The following ZCCHC8 variants were observed in gnomAD, a reference collection of about 807,000 sequenced individuals.
ZCCHC8 encodes zinc finger CCHC-type containing 8, also known as zinc finger CCHC domain-containing protein 8.
A neutral mutation model predicts 70.6 loss-of-function variants in ZCCHC8; 27 were observed. The observed-to-expected ratio is 0.38, with a 90% CI of 0.28 to 0.53. ZCCHC8 has a LOEUF of 0.53. Among genes scored for constraint, ZCCHC8 ranks in the 20% least tolerant of loss-of-function variants. The pLI is 0.81. For synonymous variants in ZCCHC8, 293 were observed against 317.4 expected (o/e 0.92, Z 0.82); for missense variants, 737 against 876.9 (o/e 0.84, Z 2.01).
chr12:122,489,317 C>T (rs891768912), intron 5 of ZCCHC8, 69 bp downstream of exon 5: 31 of 1,439,828 alleles, frequency 2.2e-5, no homozygotes, highest in African/African-American at 4.2e-5. Flanking sequence ...ATCTTTTAAA[C>T]GCCACCCAGT....
chr12:122,483,507 C>T lies in ZCCHC8; in HGVS notation c.558G>A (p.Pro186=), dbSNP rs750892860. The T allele has an allele frequency of 3.1e-6, 5 of 1,596,038 alleles. No homozygotes were observed. The highest frequency in any genetic ancestry group is 1.3e-5 in the African/African-American group (1 of 74,714). ...TNFCLDKLGQ[P]LLNENPQLSE... Reference sequence around the variant, plus strand: ...AAAGCTGAGGGTTTTCATTTAGAAGCGGTTGCCCCAATTTATCAAGGCAAA... The same window carrying T: ...AAAGCTGAGGGTTTTCATTTAGAAGTGGTTGCCCCAATTTATCAAGGCAAA... The change falls in exon 6 of 14, where the codon CCG becomes CCA. Residue 186 remains proline, a synonymous_variant. Coordinates refer to ENST00000633063, the MANE Select transcript of ZCCHC8 (RefSeq NM_017612.5). This position sits in a 1 kb window ranked among gnomAD's most constrained non-coding sequence, Gnocchi z 4.4.
chr12:122,474,359 T>C (rs1566283450), intron 13 of ZCCHC8, 84 bp from the exon 14 acceptor site: 3 of 1,252,540 alleles, frequency 2.4e-6, no homozygotes, highest in Non-Finnish European at 2.1e-6. Context: ...CTCAGGTGTA[T>C]CCAGTAATTC....
rs1323796317 is a variant in ZCCHC8, at chr12:122,477,784, C to A, written c.1345+57G>T. On this transcript the variant is annotated intron_variant, in intron 13 of 13. Coordinates refer to ENST00000633063, the MANE Select transcript of ZCCHC8 (RefSeq NM_017612.5). ...CAGCCTGGGTGACAAGAGTGAGACT[C>A]CATCTCAAAAAAAAAAAAAAAAAAG... is the stretch of plus-strand genomic sequence containing the variant. The A allele has an allele frequency of 3.2e-6, 4 of 1,260,044 alleles. No individual in the cohort carries two copies. In the African/African-American group the frequency reaches 4.5e-5, roughly 14 times the overall value. 78.1% of individuals were successfully genotyped at this position (1,260,044 alleles called of 1,614,324 possible).
In ZCCHC8 at chr12:122,483,071, C is replaced by A; in HGVS notation, c.671+208G>T. Reference sequence around the variant, plus strand: ...CAACAATTATACCTTTCCACCCACCCAGGCACATTAGGTGAGAACCAATGA... The same window carrying A: ...CAACAATTATACCTTTCCACCCACCAAGGCACATTAGGTGAGAACCAATGA... On this transcript the variant is annotated intron_variant, in intron 7 of 13. Transcript: ENST00000633063. This position sits in a 1 kb window ranked among gnomAD's most constrained non-coding sequence, Gnocchi z 4.4. 1 of 578,022 alleles carries A rather than the reference C, an allele frequency of 1.7e-6. No homozygotes were observed. The highest frequency in any genetic ancestry group is 3.0e-6 in the Non-Finnish European group (1 of 333,468). 35.8% of individuals were successfully genotyped at this position (578,022 alleles called of 1,614,324 possible).
Position 122,473,444 on chromosome 12 carries a change from T to C in ZCCHC8, c.*53A>G. ...CCATTCTATCTATCCACTTAATTAG[T>C]ACTAATTAACGGAACAAAGTTATTA... On this transcript the variant is annotated 3_prime_UTR_variant, in exon 14 of 14. Transcript: ENST00000633063. 1 of 1,550,860 alleles carries C rather than the reference T, an allele frequency of 6.4e-7. No homozygotes were observed.
intron 5 of ZCCHC8, among the ~76,000 whole-genome samples, chr12:122,488,569 C>T (rs1957684398): frequency 6.6e-6 from 1 of 151,288 alleles, no homozygotes; most frequent in African/African-American, 2.4e-5. Flanking sequence ...TATTACATTA[C>T]CTTTTAAAAT....
chr12:122,486,377 C>A (rs987579207), intron 5 of ZCCHC8, among the ~76,000 whole-genome samples: 3 of 129,602 alleles, frequency 2.3e-5, no homozygotes, highest in African/African-American at 8.9e-5. Flanking sequence ...TGTGCCATGG[C>A]ACTCTAGCCT....
intron 2 of ZCCHC8, among the ~76,000 whole-genome samples, chr12:122,493,293 T>A (rs1446741561): frequency 6.6e-6 from 1 of 152,252 alleles, no homozygotes; most frequent in Non-Finnish European, 1.5e-5. Flanking sequence ...ACTTTTTTTT[T>A]AATGTTTAAC....
At chr12:122,481,422 T>G in intron 10 of ZCCHC8, 100 bp downstream of exon 10, 1 of 1,419,768 alleles carries the variant, frequency 7.0e-7, no homozygotes, top group Non-Finnish European at 9.5e-7. Context: ...TTAGCACACA[T>G]TAAAGAAGCC....
At chr12:122,497,666 C>T (rs1227696884) in intron 2 of ZCCHC8, among the ~76,000 whole-genome samples, 3 of 152,012 alleles carry the variant, frequency 2.0e-5, no homozygotes, top group South Asian at 2.1e-4. Context: ...AGATTAGTGA[C>T]CTGTTAAATA....
Position 122,474,019 on chromosome 12 carries a change from G to C in ZCCHC8, c.1602C>G (p.Ala534=). 1.3e-6 allele frequency: 2 copies of C among 1,552,814 alleles called. No homozygotes were observed. Among genetic ancestry groups the C allele is most frequent in the Middle Eastern group, 1.7e-4 (1 of 5,732 alleles). ...CGTCGGAGTCGCTGTTTACGCTCTCGGCCTGCTCAAGAGCTGCCCAGATCC... is the reference window on the plus strand; with the variant it reads ...CGTCGGAGTCGCTGTTTACGCTCTCCGCCTGCTCAAGAGCTGCCCAGATCC... ...QRRIWAALEQ[A]ESVNSDSDVP... is the part of the protein sequence containing the mutation. Residue 534 remains alanine, a synonymous_variant, in exon 14 of 14, where the codon GCC becomes GCG. Transcript: ENST00000633063.
In ZCCHC8 at chr12:122,483,508, G is replaced by A. The variant is rs1317757765; in HGVS notation, c.557C>T (p.Pro186Leu). The change falls in exon 6 of 14, where the codon CCG (proline) becomes CTG (leucine). Residue 186 changes from proline (P) to leucine (L), a missense_variant. By Grantham distance (98) the Pro-to-Leu change is moderately conservative. Transcript: ENST00000633063. The surrounding 1 kb of genome is among the most constrained non-coding windows in gnomAD (Gnocchi z 4.4). ...AAGCTGAGGGTTTTCATTTAGAAGCGGTTGCCCCAATTTATCAAGGCAAAA... is the reference window on the plus strand; with the variant it reads ...AAGCTGAGGGTTTTCATTTAGAAGCAGTTGCCCCAATTTATCAAGGCAAAA... ...TNFCLDKLGQPLLNENPQLSE... is the reference protein window; with the variant it reads ...TNFCLDKLGQLLLNENPQLSE... 2 of 1,596,114 alleles carry A rather than the reference G, an allele frequency of 1.3e-6. No individual in the cohort carries two copies. The highest frequency in any genetic ancestry group is 1.7e-6 in the Non-Finnish European group (2 of 1,170,242).
chr12:122,494,607 G>C (rs943728492), intron 2 of ZCCHC8, among the ~76,000 whole-genome samples: 6 of 151,438 alleles, frequency 4.0e-5, no homozygotes, highest in African/African-American at 1.5e-4. Flanking sequence ...TGTAATCCCA[G>C]TACTTTGGGA....
intron 1 of ZCCHC8, chr12:122,499,115 T>C: frequency 3.8e-6 from 2 of 520,856 alleles, no homozygotes; most frequent in Non-Finnish European, 6.8e-6. Flanking sequence ...TTCAACAGAC[T>C]AACAAACTGA....
In ZCCHC8 at chr12:122,500,886, G is replaced by A. The variant is rs1277831790; in HGVS notation, c.-46C>T. 2 of 1,541,626 alleles carry A rather than the reference G, an allele frequency of 1.3e-6. No homozygotes were observed. The highest frequency in any genetic ancestry group is 1.8e-6 in the Non-Finnish European group (2 of 1,141,112). On this transcript the variant is annotated 5_prime_UTR_variant, in exon 1 of 14. Coordinates refer to ENST00000633063, the MANE Select transcript of ZCCHC8 (RefSeq NM_017612.5). The surrounding 1 kb of genome is among the most constrained non-coding windows in gnomAD (Gnocchi z 4.8). Reference sequence around the variant, plus strand: ...CGAGAAGAGGCGGAGCCGGCCACCAGGGCTTGGGGAAGAAGGTTGGAAGGC... The same window carrying A: ...CGAGAAGAGGCGGAGCCGGCCACCAAGGCTTGGGGAAGAAGGTTGGAAGGC...
chr12:122,478,685 CT>C (rs1457033332), intron 11 of ZCCHC8, among the ~76,000 whole-genome samples: 3 of 152,092 alleles, frequency 2.0e-5, no homozygotes, highest in South Asian at 4.1e-4. Flanking sequence ...CTATCTTCTG[CT>C]CTTTCTCTTT....
At position 122,500,260 on chromosome 12, in the gene ZCCHC8, A is replaced by G; in HGVS notation, c.199+382T>C. ...GTATTTCATCACCTACAACTGTAAC[A>G]TGACGGCACAATTTGAGCGTGGCTG... is the stretch of plus-strand genomic sequence containing the variant. On this transcript the variant is annotated intron_variant, in intron 1 of 13. Transcript: ENST00000633063. This position sits in a 1 kb window ranked among gnomAD's most constrained non-coding sequence, Gnocchi z 4.8. 1 of 223,098 alleles carries G rather than the reference A, an allele frequency of 4.5e-6. No individual in the cohort carries two copies. The allele number at this position is 223,098 out of a possible 1,614,324, so 13.8% of individuals were successfully genotyped here.
At chr12:122,477,366 G>A (rs1957439344) in intron 13 of ZCCHC8, among the ~76,000 whole-genome samples, 1 of 150,948 alleles carries the variant, frequency 6.6e-6, no homozygotes, top group Non-Finnish European at 1.5e-5. Flanking sequence ...ATGTTTGCCA[G>A]GATTGTCTTG....
chr12:122,477,790 CAAAAA>C (rs145158700), intron 13 of ZCCHC8, 46 bp downstream of exon 13: 730 of 1,003,340 alleles, frequency 7.3e-4, no homozygotes, highest in Non-Finnish European at 8.2e-4. Flanking sequence ...GACTCCATCT[CAAAAA>C]AAAAAAAAAA....
Sources: gnomAD v4.1 joint callset for allele counts (sites outside exome capture counted in the v4.1 genomes callset) on GRCh38, gnomAD v4.1.1 for gene constraint, Gnocchi (gnomAD v3.1) non-coding constraint, MANE v1.5 for transcripts, NCBI Gene and HGNC (gene_info 2026-07-23, HGNC 2026-07-21) for gene names.